Variants in UNC79 observed in about 807,000 individuals in gnomAD.
UNC79 encodes protein unc-79 homolog.
Under a neutral mutation model 283.1 loss-of-function variants are expected in UNC79, and 37 were observed. The ratio of observed to expected loss-of-function variants is 0.13; its 90% CI spans 0.10 to 0.17. The LOEUF (loss-of-function observed/expected upper bound fraction) is 0.17, where lower values mean the gene tolerates loss of function less well. UNC79 is among the 10% of genes least tolerant of loss of function. The pLI, the probability that UNC79 is intolerant of heterozygous loss-of-function variation, is 1.00. For synonymous variants in UNC79, 1,107 were observed against 1,200.2 expected, an observed-to-expected ratio of 0.92 and a Z score of 1.61; for missense variants, 2,272 against 3,211.1, an observed-to-expected ratio of 0.71 and a Z score of 7.07.
chr14:93,668,978 T>TAAAAAAAAAAAAAAAAAAA (rs543609091), intron 40 of UNC79, among the ~76,000 whole-genome samples: 1 of 79,898 alleles, frequency 1.3e-5, no homozygotes, highest in Non-Finnish European at 2.5e-5. Context: ...GAACATTGTC[T>TAAAAAAAAAAAAAAAAAAA]AAAAAAAAAA....
At chr14:93,575,063 A>G in exon 17 of UNC79, 1 of 1,609,064 alleles carries the variant, frequency 6.2e-7, no homozygotes, top group South Asian at 1.1e-5. Flanking sequence ...CCTAGGTATT[A>G]TCGGAGTTAG....
intron 40 of UNC79, among the ~76,000 whole-genome samples, chr14:93,668,208 A>G (rs1363944079): frequency 1.3e-5 from 2 of 152,222 alleles, no homozygotes; most frequent in Admixed American, 6.5e-5. Context: ...AAGGAAAAAT[A>G]CAACTCTCAT....
intron 1 of UNC79, among the ~76,000 whole-genome samples, chr14:93,447,731 C>G (rs910528717): frequency 6.6e-6 from 1 of 151,614 alleles, no homozygotes; most frequent in African/African-American, 2.4e-5. Flanking sequence ...TGCTTTTATT[C>G]TTGAATAATA....
chr14:93,629,227 A>G (rs938775812), intron 30 of UNC79, among the ~76,000 whole-genome samples: 2 of 152,168 alleles, frequency 1.3e-5, no homozygotes, highest in South Asian at 4.1e-4. Flanking sequence ...ACACACAAAT[A>G]GGCATACCCA....
chr14:93,565,642 T>A (rs1269269356), intron 14 of UNC79, among the ~76,000 whole-genome samples: 1 of 149,544 alleles, frequency 6.7e-6, no homozygotes, highest in Non-Finnish European at 1.5e-5. Context: ...TATGGAGTTC[T>A]TCTCAGGCCG....
At chr14:93,391,558 A>G (rs1488729221) in intron 1 of UNC79, among the ~76,000 whole-genome samples, 4 of 152,340 alleles carry the variant, frequency 2.6e-5, no homozygotes, top group Non-Finnish European at 2.9e-5. Context: ...AATGGTAGAA[A>G]GTATTTGTAA....
At chr14:93,622,239 C>T (rs750594521) in exon 30 of UNC79, 14 of 1,614,062 alleles carry the variant, frequency 8.7e-6, no homozygotes, top group Non-Finnish European at 1.1e-5. Context: ...TCTTCTCCCT[C>T]CGTCCCCAGC....
At chr14:93,518,947 G>T (rs2060197726) in intron 7 of UNC79, among the ~76,000 whole-genome samples, 1 of 151,918 alleles carries the variant, frequency 6.6e-6, no homozygotes, top group Non-Finnish European at 1.5e-5. Flanking sequence ...TTATGGACTG[G>T]AATACCTATC....
At chr14:93,659,983 C>T (rs760652372) in intron 39 of UNC79, among the ~76,000 whole-genome samples, 2 of 152,110 alleles carry the variant, frequency 1.3e-5, no homozygotes, top group South Asian at 2.1e-4. Context: ...TTTGATAGAG[C>T]TCTCTATAGT....
intron 1 of UNC79, among the ~76,000 whole-genome samples, chr14:93,347,866 T>A (rs2295704): frequency 0.16 from 24,755 of 151,784 alleles, 2,204 homozygotes; most frequent in East Asian, 0.31. Context: ...AAAAATCAGG[T>A]GATCCATGAA....
chr14:93,584,976 C>T (rs773003467), intron 20 of UNC79, among the ~76,000 whole-genome samples: 4 of 152,186 alleles, frequency 2.6e-5, no homozygotes, highest in East Asian at 1.9e-4. Flanking sequence ...GGATTACAGG[C>T]GTGAGCCACT....
At position 93,390,425 on chromosome 14, in the gene UNC79, C is replaced by G. The variant is rs117388948; in HGVS notation, c.-351+56902C>G. ...ATTGGAAAAAGGACAAGGATGCCTA[C>G]TCTAGTTTTCTTCAATGTTGCACTG... On this transcript the variant is annotated intron_variant, in intron 1 of 49. Coordinates refer to the UNC79 transcript ENST00000256339. 5.9e-5 allele frequency among the ~76,000 whole-genome samples: 9 copies of G among 152,282 alleles called. No homozygotes were observed. In the East Asian group the frequency reaches 1.7e-3, roughly 29 times the overall value.
At chr14:93,404,601 AG>A (rs1407542220) in intron 1 of UNC79, among the ~76,000 whole-genome samples, 1 of 146,408 alleles carries the variant, frequency 6.8e-6, no homozygotes, top group Non-Finnish European at 1.5e-5. Context: ...TCAAATGAGC[AG>A]GGGGAAAAGG....
At chr14:93,643,572 G>C (rs1328554242) in exon 34 of UNC79, 2 of 1,613,860 alleles carry the variant, frequency 1.2e-6, no homozygotes, top group Non-Finnish European at 1.7e-6. Context: ...ATGACTGTGG[G>C]GCCATTCTTG....
intron 7 of UNC79, among the ~76,000 whole-genome samples, chr14:93,511,991 T>C (rs1044694011): frequency 6.6e-6 from 1 of 152,216 alleles, no homozygotes; most frequent in African/African-American, 2.4e-5. Context: ...AACTTCCCTC[T>C]AAGTTCTATA....
At chr14:93,409,482 G>A (rs1022626321) in intron 1 of UNC79, among the ~76,000 whole-genome samples, 4 of 152,096 alleles carry the variant, frequency 2.6e-5, no homozygotes, top group African/African-American at 9.7e-5. Flanking sequence ...CTTGAGGCCA[G>A]GAATTTGAGA....
At chr14:93,648,478 G>A (rs1596229052) in intron 35 of UNC79, among the ~76,000 whole-genome samples, 2 of 152,126 alleles carry the variant, frequency 1.3e-5, no homozygotes, top group East Asian at 1.9e-4. Flanking sequence ...ATATTTTGAA[G>A]TAGAGCCAAC....
intron 7 of UNC79, among the ~76,000 whole-genome samples, chr14:93,505,850 G>T (rs1281642893): frequency 1.3e-5 from 2 of 151,390 alleles, no homozygotes; most frequent in East Asian, 3.9e-4. Context: ...ATTATATCAT[G>T]CATTCTTGAC....
chr14:93,386,765 G>GGAACTAAT (rs1481183859), intron 1 of UNC79, among the ~76,000 whole-genome samples: 1 of 151,874 alleles, frequency 6.6e-6, no homozygotes, highest in African/African-American at 2.4e-5. Context: ...ATTAGTTACA[G>GGAACTAAT]TGCCTCCTTT....
Sources: gnomAD v4.1 joint callset for allele counts (sites outside exome capture counted in the v4.1 genomes callset) on GRCh38, gnomAD v4.1.1 for gene constraint, MANE v1.5 for transcripts, NCBI Gene and HGNC (gene_info 2026-07-23, HGNC 2026-07-21) for gene names.